The following ACBD6 variants were observed in gnomAD, a reference collection of about 807,000 sequenced individuals.
ACBD6 encodes the protein acyl-CoA binding domain containing 6, also known as acyl-CoA-binding domain-containing protein 6.
Under a neutral mutation model 37.2 loss-of-function variants are expected in ACBD6, and 28 were observed. The observed-to-expected ratio is 0.75, with a 90% CI of 0.56 to 1.03. ACBD6 has a LOEUF of 1.03. Ranked by LOEUF, ACBD6 falls within the 50% of genes least tolerant of loss-of-function variation. ACBD6 has a pLI of 0.00. For missense variants in ACBD6, 340 were observed against 337.4 expected (o/e 1.01, Z -0.06); for synonymous variants, 113 against 126.8 (o/e 0.89, Z 0.73).
intron 6 of ACBD6, among the ~76,000 whole-genome samples, chr1:180,363,803 C>G (rs750266854): frequency 5.3e-5 from 8 of 152,136 alleles, no homozygotes; most frequent in Non-Finnish European, 1.2e-4. Flanking sequence ...CCAGGGAAGG[C>G]TTTGTAATGC....
chr1:180,499,761 G>A (rs915418504), intron 1 of ACBD6, among the ~76,000 whole-genome samples: 39 of 152,074 alleles, frequency 2.6e-4, no homozygotes, highest in African/African-American at 9.2e-4. Flanking sequence ...AATGACCAAA[G>A]AGAAAACAGA....
At chr1:180,488,900 C>T (rs1651380332) in intron 3 of ACBD6, among the ~76,000 whole-genome samples, 1 of 152,148 alleles carries the variant, frequency 6.6e-6, no homozygotes. Flanking sequence ...TAATTTTAGG[C>T]AAGTTACTAA....
chr1:180,289,249 T>TG (rs1468844759), intron 7 of ACBD6, among the ~76,000 whole-genome samples: 3 of 152,096 alleles, frequency 2.0e-5, no homozygotes, highest in Non-Finnish European at 2.9e-5. Context: ...GGCAGATCAG[T>TG]GGGGAAATAA....
downstream of ACBD6, among the ~76,000 whole-genome samples, chr1:180,284,964 C>A (rs751408508): frequency 6.6e-6 from 1 of 151,800 alleles, no homozygotes; most frequent in Non-Finnish European, 1.5e-5. Context: ...TCAGCCTGGG[C>A]AATACAGGGA....
At chr1:180,378,742 G>A (rs1417547248) in intron 6 of ACBD6, among the ~76,000 whole-genome samples, 2 of 152,140 alleles carry the variant, frequency 1.3e-5, no homozygotes, top group Admixed American at 6.5e-5. Flanking sequence ...GTTTGAGGTT[G>A]GGCCCACCCA....
chr1:180,275,463 C>T (rs1199131296), intron 9 of ACBD6: 1 of 152,246 alleles, frequency 6.6e-6, no homozygotes, highest in African/African-American at 2.4e-5. Flanking sequence ...CATTTGTAGA[C>T]ACATTTGGAT....
chr1:180,289,210 C>T (rs1649608879), intron 7 of ACBD6, among the ~76,000 whole-genome samples: 14 of 152,098 alleles, frequency 9.2e-5, no homozygotes, highest in Admixed American at 7.2e-4. Flanking sequence ...CTTCTGCACA[C>T]ATATGAAAAC....
downstream of ACBD6, among the ~76,000 whole-genome samples, chr1:180,285,746 G>T (rs1382975004): frequency 2.0e-5 from 3 of 152,054 alleles, no homozygotes; most frequent in Non-Finnish European, 4.4e-5. Context: ...AGGAAGCTAA[G>T]AAATACCTAT....
intron 9 of ACBD6, among the ~76,000 whole-genome samples, chr1:180,280,360 A>AG (rs71703052): frequency 2.0e-4 from 10 of 50,352 alleles, no homozygotes; most frequent in African/African-American, 5.5e-4. Flanking sequence ...GAGAAAACTT[A>AG]AAAAAAAAAA....
At chr1:180,370,804 AC>A (rs1653234369) in intron 6 of ACBD6, among the ~76,000 whole-genome samples, 1 of 151,990 alleles carries the variant, frequency 6.6e-6, no homozygotes. Context: ...CTTCCAAATG[AC>A]CCATTAAAAA....
At chr1:180,306,079 C>T (rs1650347618) in intron 7 of ACBD6, among the ~76,000 whole-genome samples, 1 of 129,242 alleles carries the variant, frequency 7.7e-6, no homozygotes, top group African/African-American at 3.1e-5. Context: ...AGGGGAACAT[C>T]ACACCCCGGG....
chr1:180,296,779 C>CA (rs1313122880), intron 7 of ACBD6, among the ~76,000 whole-genome samples: 1 of 151,772 alleles, frequency 6.6e-6, no homozygotes, highest in African/African-American at 2.4e-5. Flanking sequence ...AAAAAGATGC[C>CA]ATCTAGGATT....
At chr1:180,463,229 T>C (rs1240638373) in intron 3 of ACBD6, among the ~76,000 whole-genome samples, 1 of 152,026 alleles carries the variant, frequency 6.6e-6, no homozygotes, top group Non-Finnish European at 1.5e-5. Context: ...AAATCAGAGC[T>C]GAACTGAAGG....
At chr1:180,492,134 T>C (rs1651529023) in intron 3 of ACBD6, 135 bp downstream of exon 3, 1 of 713,528 alleles carries the variant, frequency 1.4e-6, no homozygotes, top group Admixed American at 2.5e-5. Context: ...AGATAAATAT[T>C]ACAATAACTT....
At chr1:180,364,698 T>C (rs1178819533) in intron 6 of ACBD6, among the ~76,000 whole-genome samples, 2 of 151,132 alleles carry the variant, frequency 1.3e-5, no homozygotes, top group South Asian at 2.1e-4. Context: ...CTGCATTAGG[T>C]GGGAGTTGAA....
At chr1:180,442,705 C>T (rs760660914) in intron 3 of ACBD6, among the ~76,000 whole-genome samples, 6 of 152,114 alleles carry the variant, frequency 3.9e-5, no homozygotes, top group African/African-American at 9.7e-5. Context: ...GCTCCATCTT[C>T]GAGCTTCAAG....
chr1:180,363,436 T>C (rs886609804), intron 6 of ACBD6, among the ~76,000 whole-genome samples: 3 of 152,198 alleles, frequency 2.0e-5, no homozygotes, highest in African/African-American at 7.2e-5. Flanking sequence ...AGTATGGAAA[T>C]TTTTCATGTC....
chr1:180,290,017 T>C (rs1265539610), intron 7 of ACBD6, among the ~76,000 whole-genome samples: 2 of 152,144 alleles, frequency 1.3e-5, no homozygotes, highest in Non-Finnish European at 2.9e-5. Context: ...TTCAAAGATA[T>C]TGGTGATGTT....
intron 3 of ACBD6, among the ~76,000 whole-genome samples, chr1:180,469,429 G>A (rs939133271): frequency 3.9e-5 from 6 of 152,120 alleles, no homozygotes; most frequent in African/African-American, 1.4e-4. Flanking sequence ...CTAGAAGAAG[G>A]ATACTCTATA....
Sources: allele counts gnomAD v4.1 joint callset (sites outside exome capture counted in the v4.1 genomes callset), GRCh38; gene constraint gnomAD v4.1.1; transcripts MANE v1.5; gene names NCBI Gene and HGNC (gene_info 2026-07-23, HGNC 2026-07-21).